The following RMND5A variants were observed in gnomAD, a reference collection of about 807,000 sequenced individuals.
RMND5A encodes the protein required for meiotic nuclear division 5 homolog A, also known as E3 ubiquitin-protein transferase RMND5A.
Under a neutral mutation model 49.7 loss-of-function variants are expected in RMND5A, and 17 were observed. That is an observed-to-expected ratio of 0.34 (90% confidence interval 0.23 to 0.51). The LOEUF is 0.51. RMND5A is among the 20% of genes least tolerant of loss of function. The pLI is 0.96. For synonymous variants in RMND5A, 156 were observed against 167.7 expected, an observed-to-expected ratio of 0.93 and a Z score of 0.54; for missense variants, 255 against 471.3, an observed-to-expected ratio of 0.54 and a Z score of 4.25.
Position 86,720,591 on chromosome 2 carries a change from A to T in RMND5A, c.-77A>T. 2 of 1,286,826 alleles carry T rather than the reference A, an allele frequency of 1.6e-6. No homozygotes were observed. The highest frequency in any genetic ancestry group is 1.9e-5 in the South Asian group (1 of 51,784). 79.7% of individuals were successfully genotyped at this position (1,286,826 alleles called of 1,614,324 possible). A position where few individuals can be genotyped will look rare whatever the true frequency, so the allele number is the denominator to read the frequency against. On this transcript the variant is annotated 5_prime_UTR_variant, in exon 1 of 9. Coordinates refer to ENST00000283632, the MANE Select transcript of RMND5A (RefSeq NM_022780.4). The stretch of plus-strand genomic sequence containing the variant: ...GCCCGCTTGGGGAACGAGGAGCAGG[A>T]CGCGGCCTCGGTGGGGCCCGGGCCG...
chr2:86,770,817 A>T (rs1672673797), intron 7 of RMND5A, among the ~76,000 whole-genome samples: 1 of 152,210 alleles, frequency 6.6e-6, no homozygotes. Flanking sequence ...TGGTGCAGTT[A>T]TGATGTGAAG....
At chr2:86,768,209 AT>A (rs1227195188) in intron 6 of RMND5A, among the ~76,000 whole-genome samples, 1 of 152,270 alleles carries the variant, frequency 6.6e-6, no homozygotes, top group African/African-American at 2.4e-5. Flanking sequence ...ACTTAAGCAT[AT>A]AAAGGGGTCC....
At position 86,749,396 on chromosome 2, in the gene RMND5A, C is replaced by CT. The variant is rs35530906; in HGVS notation, c.286-2489dup. ...TACTTTGTATTATTTCTTTTTCTTT[C>CT]TTTTTTTTTTTGAGATGGAGTCTTG... On this transcript the variant is annotated intron_variant, in intron 2 of 8. Transcript: ENST00000283632. Among the ~76,000 whole-genome samples, 1,231 of 146,686 alleles carry CT rather than the reference C, an allele frequency of 8.4e-3. 21 individuals carry two copies. The highest frequency in any genetic ancestry group is 0.028 in the African/African-American group (1,117 of 40,174).
At chr2:86,767,716 A>T (rs1188641366) in intron 6 of RMND5A, among the ~76,000 whole-genome samples, 1 of 152,252 alleles carries the variant, frequency 6.6e-6, no homozygotes, top group East Asian at 1.9e-4. Flanking sequence ...AGCAGGGTAC[A>T]AAAAGTTTAA....
chr2:86,745,481 A>G (rs1681522753), intron 2 of RMND5A, among the ~76,000 whole-genome samples: 1 of 152,222 alleles, frequency 6.6e-6, no homozygotes, highest in Admixed American at 6.5e-5. Flanking sequence ...GGAAAGGGCA[A>G]AACAGCAACT....
intron 4 of RMND5A, among the ~76,000 whole-genome samples, chr2:86,760,140 G>A (rs1457414523): frequency 6.6e-6 from 1 of 151,974 alleles, no homozygotes; most frequent in African/African-American, 2.4e-5. Context: ...TGCCTCCCGA[G>A]TTCAAGCGAT....
At chr2:86,747,016 A>G (rs1343824571) in intron 2 of RMND5A, among the ~76,000 whole-genome samples, 1 of 152,238 alleles carries the variant, frequency 6.6e-6, no homozygotes, top group Non-Finnish European at 1.5e-5. Context: ...AAGCACTGCT[A>G]TCTGGTATAT....
intron 1 of RMND5A, among the ~76,000 whole-genome samples, chr2:86,732,771 A>G (rs1395934629): frequency 1.6e-5 from 2 of 128,064 alleles, no homozygotes; most frequent in Non-Finnish European, 3.2e-5. Flanking sequence ...GACTTGAGTC[A>G]GAGCACAAGC....
chr2:86,751,542 C>T (rs1390263075), intron 2 of RMND5A, among the ~76,000 whole-genome samples: 1 of 152,114 alleles, frequency 6.6e-6, no homozygotes, highest in Non-Finnish European at 1.5e-5. Context: ...TTTTCCCCTC[C>T]CATTATAGAC....
chr2:86,752,670 C>T (rs550106056), intron 3 of RMND5A, among the ~76,000 whole-genome samples: 40 of 152,242 alleles, frequency 2.6e-4, no homozygotes, highest in African/African-American at 8.2e-4. Flanking sequence ...GTAAGTTGCC[C>T]GAGGCCTTAA....
chr2:86,764,962 A>C (rs1672565460), intron 4 of RMND5A, 65 bp from the exon 5 acceptor site: 1 of 1,491,174 alleles, frequency 6.7e-7, no homozygotes, highest in Non-Finnish European at 9.0e-7. Context: ...ACTGGGTTTC[A>C]AATAGTTTTT....
chr2:86,752,110 T>TC, intron 3 of RMND5A, 80 bp downstream of exon 3: 1 of 1,326,794 alleles, frequency 7.5e-7, no homozygotes, highest in Non-Finnish European at 1.0e-6. Flanking sequence ...AGGGTGGGGT[T>TC]TTGAGTCTTC....
Position 86,776,079 on chromosome 2 carries a change from C to G in RMND5A, c.*2668C>G, listed in dbSNP as rs1409973111. 6.6e-6 allele frequency: 1 copy of G among 152,194 alleles called. No homozygotes were observed. The allele number at this position is 152,194 out of a possible 1,614,324, so 9.4% of individuals were successfully genotyped here. A position where few individuals can be genotyped will look rare whatever the true frequency, so the allele number is the denominator to read the frequency against. ...TCTTAAATTTCCTTGGGAACCGTTT[C>G]CACATATCAGTTATAGACAAAGGCC... On this transcript the variant is annotated 3_prime_UTR_variant, in exon 9 of 9. Coordinates refer to ENST00000283632, the MANE Select transcript of RMND5A (RefSeq NM_022780.4).
intron 2 of RMND5A, among the ~76,000 whole-genome samples, chr2:86,749,567 T>G (rs1681597740): frequency 6.6e-6 from 1 of 152,082 alleles, no homozygotes; most frequent in Admixed American, 6.5e-5. Flanking sequence ...ATTTTGTATT[T>G]TTAGTAGAGA....
intron 1 of RMND5A, among the ~76,000 whole-genome samples, chr2:86,728,918 AT>A (rs556932088): frequency 4.0e-5 from 6 of 148,534 alleles, no homozygotes; most frequent in South Asian, 2.1e-4. Flanking sequence ...AGGCCTGACT[AT>A]TTTTTTTTTG....
rs1681190687 is a variant in RMND5A, at chr2:86,720,761, C to G, written c.94C>G (p.Leu32Val). Residue 32 changes from leucine to valine, a missense_variant, in exon 1 of 9, where the codon CTC (leucine) becomes GTC (valine). By Grantham distance (32) the Leu-to-Val change is conservative (BLOSUM62 1). Transcript: ENST00000283632. ...GQLCERGLEE[L>V]IDYTGGLKHE... Reference sequence around the variant, plus strand: ...GCTGTGCGAGCGCGGCCTGGAGGAGCTCATCGACTACACCGGCGGCCTCAA... The same window carrying G: ...GCTGTGCGAGCGCGGCCTGGAGGAGGTCATCGACTACACCGGCGGCCTCAA... 1 of 1,595,942 alleles carries G rather than the reference C, an allele frequency of 6.3e-7. No homozygotes were observed. The highest frequency in any genetic ancestry group is 8.5e-7 in the Non-Finnish European group (1 of 1,172,122).
chr2:86,720,890 C>T (rs1207012881), intron 1 of RMND5A, 81 bp downstream of exon 1: 9 of 1,367,140 alleles, frequency 6.6e-6, no homozygotes, highest in Non-Finnish European at 8.7e-6. Context: ...AATCCCTCAC[C>T]CACCCTCGCG....
In RMND5A at chr2:86,720,807, A is replaced by G; in HGVS notation, c.140A>G (p.His47Arg). ...GGLKHEILQS[H>R]GQDAELSGTL... ...CTCAAGCACGAGATCCTGCAGAGCCACGGTAGGGCGGCCCGCGTGGGCGCG... is the reference window on the plus strand; with the variant it reads ...CTCAAGCACGAGATCCTGCAGAGCCGCGGTAGGGCGGCCCGCGTGGGCGCG... The change falls in exon 1 of 9, where the codon CAC (histidine) becomes CGC (arginine). Residue 47 changes from histidine to arginine, a missense_variant and splice_region_variant. Transcript: ENST00000283632. The G allele has an allele frequency of 6.3e-7, 1 of 1,587,716 alleles. No individual in the cohort carries two copies. The highest frequency in any genetic ancestry group is 8.6e-7 in the Non-Finnish European group (1 of 1,168,310).
At chr2:86,749,569 T>C (rs1330289830) in intron 2 of RMND5A, among the ~76,000 whole-genome samples, 3 of 152,096 alleles carry the variant, frequency 2.0e-5, no homozygotes, top group Non-Finnish European at 4.4e-5. Flanking sequence ...TTTGTATTTT[T>C]AGTAGAGACG....
Sources: allele counts gnomAD v4.1 joint callset (sites outside exome capture counted in the v4.1 genomes callset), GRCh38; gene constraint gnomAD v4.1.1; transcripts MANE v1.5; gene names NCBI Gene and HGNC (gene_info 2026-07-23, HGNC 2026-07-21).